The following TAFA2 variants were observed in gnomAD, a reference collection of about 807,000 sequenced individuals.
TAFA2 encodes TAFA chemokine like family member 2.
In TAFA2, 7 loss-of-function variants were observed where a neutral mutation model predicts 18.8. The ratio of observed to expected loss-of-function variants is 0.37; its 90% CI spans 0.21 to 0.70. The LOEUF (loss-of-function observed/expected upper bound fraction) is 0.70, where lower values mean the gene tolerates loss of function less well. Among genes scored for constraint, TAFA2 ranks in the 30% least tolerant of loss-of-function variants. The pLI is 0.53. For synonymous variants in TAFA2, 60 were observed against 54.2 expected (o/e 1.11, Z -0.47); for missense variants, 122 against 158.1 (o/e 0.77, Z 1.23).
intron 4 of TAFA2, among the ~76,000 whole-genome samples, chr12:61,719,570 A>C (rs1255918815): frequency 6.6e-6 from 1 of 152,084 alleles, no homozygotes; most frequent in Non-Finnish European, 1.5e-5. Context: ...CCCTCAAACT[A>C]TCTTTGAAAA....
chr12:61,740,427 A>T (rs1868393324), intron 4 of TAFA2, among the ~76,000 whole-genome samples: 1 of 151,852 alleles, frequency 6.6e-6, no homozygotes, highest in Non-Finnish European at 1.5e-5. Context: ...GCACGTGTAT[A>T]CCTATGTACA....
intron 1 of TAFA2, among the ~76,000 whole-genome samples, chr12:61,989,361 T>C (rs969800782): frequency 6.6e-6 from 1 of 152,060 alleles, no homozygotes; most frequent in African/African-American, 2.4e-5. Context: ...TAAGACATAT[T>C]GAAAAGCTGG....
intron 2 of TAFA2, among the ~76,000 whole-genome samples, chr12:61,826,862 T>C (rs1435268802): frequency 6.6e-6 from 1 of 151,982 alleles, no homozygotes; most frequent in Non-Finnish European, 1.5e-5. Context: ...TGACAGAAGA[T>C]CAGTAAAGAA....
rs1188243704 is a variant in TAFA2 at position 61,880,222 on chromosome 12, G to C, written c.-1-12796C>G. ...TGGCCAGGAAGCACGGGGATAACCTGAGGTGTACAAAGACTGACATCTCCG... is the reference window on the plus strand; with the variant it reads ...TGGCCAGGAAGCACGGGGATAACCTCAGGTGTACAAAGACTGACATCTCCG... On this transcript the variant is annotated intron_variant, in intron 1 of 4. Transcript: ENST00000416284. 5 of 492,892 alleles carry C rather than the reference G, an allele frequency of 1.0e-5. No homozygotes were observed. In the East Asian group the frequency reaches 2.0e-4, roughly 20 times the overall value. The allele number at this position is 492,892 out of a possible 1,614,324, so 30.5% of individuals were successfully genotyped here. A position where few individuals can be genotyped will look rare whatever the true frequency, so the allele number is the denominator to read the frequency against.
chr12:61,928,088 G>C (rs550024093), intron 1 of TAFA2, among the ~76,000 whole-genome samples: 1 of 152,112 alleles, frequency 6.6e-6, no homozygotes. Flanking sequence ...TACCATTCAC[G>C]ACATAGGCAT....
chr12:62,025,421 T>A (rs1456457407), intron 1 of TAFA2, among the ~76,000 whole-genome samples: 1 of 152,146 alleles, frequency 6.6e-6, no homozygotes, highest in African/African-American at 2.4e-5. Flanking sequence ...GTTGAAATTT[T>A]AAAAATTAAA....
At chr12:62,156,166 T>C (rs900635375) in intron 1 of TAFA2, among the ~76,000 whole-genome samples, 3 of 152,128 alleles carry the variant, frequency 2.0e-5, no homozygotes, top group Non-Finnish European at 4.4e-5. Context: ...AAAGAAGATA[T>C]ACAAATGGCC....
At chr12:61,963,264 G>A (rs1324163797) in intron 1 of TAFA2, among the ~76,000 whole-genome samples, 3 of 151,998 alleles carry the variant, frequency 2.0e-5, no homozygotes, top group African/African-American at 4.8e-5. Flanking sequence ...GGGTCAACCA[G>A]TATTTCTGGT....
intron 2 of TAFA2, among the ~76,000 whole-genome samples, chr12:61,788,471 A>G (rs1870831600): frequency 6.6e-6 from 1 of 151,768 alleles, no homozygotes; most frequent in African/African-American, 2.4e-5. Context: ...AATAAATCTT[A>G]ATAAATTTAA....
chr12:61,892,818 G>A (rs1454843546), intron 1 of TAFA2, among the ~76,000 whole-genome samples: 1 of 152,182 alleles, frequency 6.6e-6, no homozygotes, highest in Non-Finnish European at 1.5e-5. Context: ...CAGCCTAGGT[G>A]ACAGAGTGAG....
At chr12:61,753,510 G>T in intron 4 of TAFA2, 112 bp downstream of exon 4, 1 of 961,682 alleles carries the variant, frequency 1.0e-6, no homozygotes, top group Non-Finnish European at 1.5e-6. Flanking sequence ...AACATATCTT[G>T]CAAAACTATA....
rs184969752 is a variant in TAFA2 at position 62,060,051 on chromosome 12, G to T, written c.-2+131208C>A. Among the ~76,000 whole-genome samples the T allele has an allele frequency of 5.4e-3, 820 of 152,280 alleles. 1 individual carries two copies. The highest frequency in any genetic ancestry group is 7.6e-3 in the Admixed American group (117 of 15,298). On this transcript the variant is annotated intron_variant, in intron 1 of 4. Transcript: ENST00000416284. Reference sequence around the variant, plus strand: ...AATTACACACATTTATTGTTTCACAGTTTCTGGGGGTCAGGAGTCTTGCCT... The same window carrying T: ...AATTACACACATTTATTGTTTCACATTTTCTGGGGGTCAGGAGTCTTGCCT...
chr12:62,014,253 A>C (rs565757161), intron 1 of TAFA2, among the ~76,000 whole-genome samples: 2 of 152,362 alleles, frequency 1.3e-5, no homozygotes, highest in East Asian at 3.9e-4. Context: ...GCAAGATACC[A>C]AAATTTACTA....
intron 1 of TAFA2, among the ~76,000 whole-genome samples, chr12:62,076,973 G>C (rs1225202763): frequency 2.0e-5 from 3 of 152,164 alleles, no homozygotes; most frequent in Admixed American, 2.0e-4. Context: ...GCCTCGATGA[G>C]TTTTAGATTC....
chr12:62,159,119 T>C (rs1358707), intron 1 of TAFA2, among the ~76,000 whole-genome samples: 144,722 of 152,234 alleles, frequency 0.95, 69,224 homozygotes, highest in South Asian at 1. Context: ...AGCATGGCAC[T>C]GAAGAGCTCT....
intron 1 of TAFA2, among the ~76,000 whole-genome samples, chr12:62,176,736 T>A (rs1428188487): frequency 1.3e-5 from 2 of 152,222 alleles, no homozygotes; most frequent in Admixed American, 1.3e-4. Flanking sequence ...TATGGTATAA[T>A]TTTAACTGAA....
rs144082343 is a variant in TAFA2 at position 61,927,005 on chromosome 12, G to T, written c.-1-59579C>A. On this transcript the variant is annotated intron_variant, in intron 1 of 4. Transcript: ENST00000416284. ...CAGGAGAATTGGTTGAACCCAGGGG[G>T]CGGAGGTTGCAGTAAGCCGAGATCG... is the stretch of plus-strand genomic sequence containing the variant. Among the ~76,000 whole-genome samples, 257 of 151,022 alleles carry T rather than the reference G, an allele frequency of 1.7e-3. 4 individuals carry two copies. The highest frequency in any genetic ancestry group is 6.0e-3 in the African/African-American group (245 of 40,988).
At chr12:62,028,431 AAAG>A (rs1370967957) in intron 1 of TAFA2, among the ~76,000 whole-genome samples, 4 of 152,150 alleles carry the variant, frequency 2.6e-5, no homozygotes, top group African/African-American at 9.7e-5. Context: ...AGCCTTGGAG[AAAG>A]AACTCTTTTC....
Position 61,772,621 on chromosome 12 carries a change from C to T in TAFA2, c.107-17597G>A, listed in dbSNP as rs147322322. Among the ~76,000 whole-genome samples, 231 of 152,020 alleles carry T rather than the reference C, an allele frequency of 1.5e-3. 1 individual carries two copies. The highest frequency in any genetic ancestry group is 5.4e-3 in the African/African-American group (223 of 41,540). ...TTAAAAACAAAAATAACATAATCATCGCAATAGATTCAGAAAAAGCATTTG... is the reference window on the plus strand; with the variant it reads ...TTAAAAACAAAAATAACATAATCATTGCAATAGATTCAGAAAAAGCATTTG... On this transcript the variant is annotated intron_variant, in intron 2 of 4. Transcript: ENST00000416284.
Sources: allele counts gnomAD v4.1 joint callset (sites outside exome capture counted in the v4.1 genomes callset), GRCh38; gene constraint gnomAD v4.1.1; transcripts MANE v1.5; gene names NCBI Gene and HGNC (gene_info 2026-07-23, HGNC 2026-07-21).